The following PPP6R3 variants were observed in gnomAD, a reference collection of about 807,000 sequenced individuals.
PPP6R3 encodes serine/threonine-protein phosphatase 6 regulatory subunit 3.
A neutral mutation model predicts 110.7 loss-of-function variants in PPP6R3; 38 were observed. The observed-to-expected ratio is 0.34, with a 90% CI of 0.26 to 0.45. The LOEUF (loss-of-function observed/expected upper bound fraction) is 0.45, where lower values mean the gene tolerates loss of function less well. PPP6R3 is among the 20% of genes least tolerant of loss of function. PPP6R3 has a pLI of 1.00. For synonymous variants in PPP6R3, 369 were observed against 373.5 expected (o/e 0.99, Z 0.14); for missense variants, 870 against 1,062.4 (o/e 0.82, Z 2.52).
At position 68,482,222 on chromosome 11, in the gene PPP6R3, C is replaced by CAA. The variant is rs35130397; in HGVS notation, c.-158+21412_-158+21413dup. Among the ~76,000 whole-genome samples, 10 of 87,002 alleles carry CAA rather than the reference C, an allele frequency of 1.1e-4. 1 individual carries two copies. Among genetic ancestry groups the CAA allele is most frequent in the African/African-American group, 3.3e-4 (8 of 24,504 alleles). 57.1% of individuals were successfully genotyped at this position (87,002 alleles called of 152,430 possible). A position where few individuals can be genotyped will look rare whatever the true frequency, so the allele number is the denominator to read the frequency against. ...CCAACATGGTGAAACCCCATCTCTCCAAAAAAAAAAAAAAAAAACCAAAAA... is the reference window on the plus strand; with the variant it reads ...CCAACATGGTGAAACCCCATCTCTCCAAAAAAAAAAAAAAAAAAAACCAAAAA... On this transcript the variant is annotated intron_variant, in intron 1 of 23. Transcript: ENST00000393800.
intron 12 of PPP6R3, 134 bp from the exon 13 acceptor site, chr11:68,573,969 CTTTTCT>C: frequency 3.4e-6 from 2 of 581,668 alleles, no homozygotes; most frequent in Non-Finnish European, 6.1e-6. Flanking sequence ...CTTTGTTTTT[CTTTTCT>C]TTTCTGTCCA....
intron 8 of PPP6R3, among the ~76,000 whole-genome samples, chr11:68,561,028 C>T (rs938819350): frequency 6.6e-6 from 1 of 151,072 alleles, no homozygotes; most frequent in Non-Finnish European, 1.5e-5. Flanking sequence ...TCCCGAGTAG[C>T]TGGGACTACA....
intron 22 of PPP6R3, 195 bp from the exon 23 acceptor site, chr11:68,609,709 C>T (rs201826504): frequency 1.5e-5 from 24 of 1,568,174 alleles, no homozygotes; most frequent in Middle Eastern, 1.7e-4. Context: ...CACCTGTGTG[C>T]GACCCTTTCC....
intron 14 of PPP6R3, among the ~76,000 whole-genome samples, chr11:68,579,028 A>G (rs1413212728): frequency 6.6e-6 from 1 of 152,202 alleles, no homozygotes; most frequent in African/African-American, 2.4e-5. Context: ...AAGGGGGAAA[A>G]TGTATTTAAA....
intron 1 of PPP6R3, among the ~76,000 whole-genome samples, chr11:68,476,208 T>C (rs1591650642): frequency 6.6e-6 from 1 of 152,194 alleles, no homozygotes; most frequent in Non-Finnish European, 1.5e-5. Context: ...CGTCTGCAAT[T>C]CCGGCACCTC....
chr11:68,600,836 G>A (rs2099629615), intron 20 of PPP6R3, among the ~76,000 whole-genome samples: 1 of 152,178 alleles, frequency 6.6e-6, no homozygotes, highest in Admixed American at 6.5e-5. Context: ...GAGGAGAAGA[G>A]GAATGAGGTG....
intron 1 of PPP6R3, among the ~76,000 whole-genome samples, chr11:68,500,483 T>TTTTTA (rs2099042830): frequency 6.6e-6 from 1 of 152,082 alleles, no homozygotes; most frequent in South Asian, 2.1e-4. Flanking sequence ...CTTTAAAACT[T>TTTTTA]TTTTATTTTT....
At position 68,554,266 on chromosome 11, in the gene PPP6R3, A is replaced by G. The variant is rs753612909; in HGVS notation, c.731+9A>G. Reference sequence around the variant, plus strand: ...CTTGCCACTCTAGAAAAGTATGTGTAAAACTCTGTTCTTGTTCTTCTTTCA... The same window carrying G: ...CTTGCCACTCTAGAAAAGTATGTGTGAAACTCTGTTCTTGTTCTTCTTTCA... On this transcript the variant is annotated intron_variant, in intron 7 of 23. Coordinates refer to ENST00000393800, the MANE Select transcript of PPP6R3 (RefSeq NM_001164161.2). 5 of 1,579,932 alleles carry G rather than the reference A, an allele frequency of 3.2e-6. No homozygotes were observed. Among genetic ancestry groups the G allele is most frequent in the African/African-American group, 1.4e-5 (1 of 74,052 alleles).
At chr11:68,472,445 G>T (rs901426135) in intron 1 of PPP6R3, among the ~76,000 whole-genome samples, 3 of 152,138 alleles carry the variant, frequency 2.0e-5, no homozygotes, top group African/African-American at 7.2e-5. Flanking sequence ...GTAGAGAATT[G>T]CAGGGTAGTG....
At chr11:68,590,030 T>C (rs960235248) in intron 16 of PPP6R3, among the ~76,000 whole-genome samples, 5 of 152,240 alleles carry the variant, frequency 3.3e-5, no homozygotes, top group Admixed American at 3.3e-4. Context: ...GCCTGGACTC[T>C]TGCTTCATCT....
At chr11:68,460,974 C>G (rs906177722) in intron 1 of PPP6R3, 147 bp downstream of exon 1, 7 of 151,818 alleles carry the variant, frequency 4.6e-5, no homozygotes, top group African/African-American at 1.7e-4. Flanking sequence ...GAATTCGTCG[C>G]TCCGCGGGCC....
At chr11:68,609,151 G>A (rs1017686620) in intron 22 of PPP6R3, among the ~76,000 whole-genome samples, 2 of 152,194 alleles carry the variant, frequency 1.3e-5, no homozygotes, top group African/African-American at 4.8e-5. Context: ...AGCCCACAGA[G>A]CTGAGGAGAG....
chr11:68,552,068 GTGT>G (rs2099383459), intron 6 of PPP6R3, among the ~76,000 whole-genome samples: 1 of 152,202 alleles, frequency 6.6e-6, no homozygotes, highest in Non-Finnish European at 1.5e-5. Flanking sequence ...ACCAGTGGGT[GTGT>G]GTGTCTCTAG....
chr11:68,513,906 ATAAAAT>A (rs2099122988), intron 1 of PPP6R3, among the ~76,000 whole-genome samples: 1 of 152,246 alleles, frequency 6.6e-6, no homozygotes, highest in Admixed American at 6.5e-5. Flanking sequence ...TTTGTGAAAG[ATAAAAT>A]TAAAGATCTT....
At chr11:68,560,983 G>A (rs1275871024) in intron 8 of PPP6R3, among the ~76,000 whole-genome samples, 6 of 139,220 alleles carry the variant, frequency 4.3e-5, no homozygotes, top group Non-Finnish European at 9.1e-5. Context: ...TGCAAGCTCC[G>A]CCTCCTGGGT....
intron 23 of PPP6R3, among the ~76,000 whole-genome samples, chr11:68,612,626 TCC>T (rs34260086): frequency 1.0e-3 from 159 of 152,084 alleles, no homozygotes; most frequent in African/African-American, 3.7e-3. Flanking sequence ...TTTCCTTTTT[TCC>T]CCCCTTTCCT....
At chr11:68,532,409 G>A (rs2099246121) in intron 2 of PPP6R3, among the ~76,000 whole-genome samples, 1 of 152,142 alleles carries the variant, frequency 6.6e-6, no homozygotes, top group Non-Finnish European at 1.5e-5. Context: ...CTTAATCTTA[G>A]CCCTTTTGGA....
At chr11:68,594,267 A>G (rs1015488109) in intron 18 of PPP6R3, among the ~76,000 whole-genome samples, 44 of 52,280 alleles carry the variant, frequency 8.4e-4, no homozygotes, top group African/African-American at 1.3e-3. Flanking sequence ...AAAAAGGGGG[A>G]GAGAGAGAGA....
intron 1 of PPP6R3, among the ~76,000 whole-genome samples, chr11:68,487,298 A>G (rs1047418380): frequency 2.6e-5 from 4 of 152,194 alleles, no homozygotes; most frequent in African/African-American, 9.7e-5. Flanking sequence ...CATACCTGTA[A>G]TCCCAGCACT....
Sources: gnomAD v4.1 joint callset for allele counts (sites outside exome capture counted in the v4.1 genomes callset) on GRCh38, gnomAD v4.1.1 for gene constraint, MANE v1.5 for transcripts, NCBI Gene and HGNC (gene_info 2026-07-23, HGNC 2026-07-21) for gene names.